The following ACIN1 variants were observed in gnomAD, a reference collection of about 807,000 sequenced individuals.
The protein encoded by ACIN1 is apoptotic chromatin condensation inducer 1, also known as apoptotic chromatin condensation inducer in the nucleus.
Under a neutral mutation model 146.6 loss-of-function variants are expected in ACIN1, and 16 were observed. That is an observed-to-expected ratio of 0.11 (90% CI 0.07 to 0.17). The LOEUF (loss-of-function observed/expected upper bound fraction) is 0.17, where lower values mean the gene tolerates loss of function less well. ACIN1 is among the 10% of genes least tolerant of loss of function. The pLI, the probability that ACIN1 is intolerant of heterozygous loss-of-function variation, is 1.00. For synonymous variants in ACIN1, 569 were observed against 582.7 expected (o/e 0.98, Z 0.34); for missense variants, 1,357 against 1,609.3 (o/e 0.84, Z 2.68).
Position 23,078,139 on chromosome 14 carries a change from T to C in ACIN1, c.2123+12A>G, listed in dbSNP as rs1465930651. On this transcript the variant is annotated intron_variant, in intron 8 of 18. Coordinates refer to ENST00000605057, the MANE Select transcript of ACIN1 (RefSeq NM_001386863.1). The stretch of plus-strand genomic sequence containing the variant: ...GTTCCCTGTTATACCCCGGTCGAGA[T>C]ATATCACTTACACAGTGTGATGAAT... 3.7e-6 allele frequency: 6 copies of C among 1,612,878 alleles called. No individual in the cohort carries two copies. The highest frequency in any genetic ancestry group is 2.7e-5 in the African/African-American group (2 of 74,916).
intron 8 of ACIN1, 24 bp from the exon 9 acceptor site, chr14:23,069,641 T>TGGGGGGGGTGGGGGG: frequency 3.2e-6 from 1 of 309,222 alleles, no homozygotes; most frequent in Non-Finnish European, 5.7e-6. Flanking sequence ...GGAGTGGTGG[T>TGGGGGGGGTGGGGGG]GGGGGGGCGG....
At chr14:23,082,787 T>C (rs1005358790) in intron 4 of ACIN1, among the ~76,000 whole-genome samples, 1 of 151,086 alleles carries the variant, frequency 6.6e-6, no homozygotes, top group East Asian at 1.9e-4. Context: ...TTGCCCAGGA[T>C]GGAGTGCAAT....
intron 8 of ACIN1, among the ~76,000 whole-genome samples, chr14:23,073,839 CTTTTTTT>C (rs530712203): frequency 1.5e-5 from 2 of 135,856 alleles, no homozygotes; most frequent in South Asian, 2.3e-4. Flanking sequence ...TTGAAAATTC[CTTTTTTT>C]TTTTTTTTTT....
rs761584009 is a variant in ACIN1, at chr14:23,063,422, AAT to A, written c.2737+12_2737+13del. The A allele has an allele frequency of 1.6e-5, 25 of 1,612,402 alleles. No individual in the cohort carries two copies. In the East Asian group the frequency reaches 3.8e-4, roughly 24 times the overall value. Reference sequence around the variant, plus strand: ...GGGAGCCGCATTACATTTCTCTCACAATATGTCACTCACCTTTCTTTACTTCA... The same window carrying A: ...GGGAGCCGCATTACATTTCTCTCACAATGTCACTCACCTTTCTTTACTTCA... On this transcript the variant is annotated intron_variant, in intron 13 of 18. Coordinates refer to ENST00000605057, the MANE Select transcript of ACIN1 (RefSeq NM_001386863.1).
chr14:23,083,547 A>G (rs544697079), intron 4 of ACIN1, among the ~76,000 whole-genome samples: 1 of 152,280 alleles, frequency 6.6e-6, no homozygotes, highest in Non-Finnish European at 1.5e-5. Context: ...CCTGGCTAAC[A>G]TGGTGAAACC....
At chr14:23,059,692 G>T (rs1254926647) in intron 18 of ACIN1, among the ~76,000 whole-genome samples, 2 of 145,440 alleles carry the variant, frequency 1.4e-5, no homozygotes, top group Non-Finnish European at 3.0e-5. Flanking sequence ...TCGCTCCGTC[G>T]CCCAGGCTGG....
At position 23,093,354 on chromosome 14, in the gene ACIN1, T is replaced by C. The variant is rs112797763; in HGVS notation, c.204+125A>G. The stretch of plus-strand genomic sequence containing the variant: ...ATTCAACTGTCCTGGTTTGAGAACA[T>C]TTCTGACTAAGAGAACTTAGGAAAA... On this transcript the variant is annotated intron_variant, in intron 2 of 18. Transcript: ENST00000605057. The C allele has an allele frequency of 1.4e-5, 14 of 981,910 alleles. No homozygotes were observed. In the African/African-American group the frequency reaches 2.0e-4, roughly 14 times the overall value. 60.8% of individuals were successfully genotyped at this position (981,910 alleles called of 1,614,324 possible).
chr14:23,059,175 A>T lies in ACIN1; in HGVS notation c.3825T>A (p.Pro1275=), dbSNP rs2047186458. 1 of 1,613,760 alleles carries T rather than the reference A, an allele frequency of 6.2e-7. No homozygotes were observed. ...AGCGGCGCCCACCCCGGTCCCGCACAGGTGTGCTCCGACTCCGGCTTCTGC... is the reference window on the plus strand; with the variant it reads ...AGCGGCGCCCACCCCGGTCCCGCACTGGTGTGCTCCGACTCCGGCTTCTGC... ...RHSRSRSRST[P]VRDRGGRR is the part of the protein sequence containing the mutation. The change falls in exon 19 of 19, where the codon CCT becomes CCA. Residue 1275 remains proline (P), a synonymous_variant. Coordinates refer to ENST00000605057, the MANE Select transcript of ACIN1 (RefSeq NM_001386863.1).
Position 23,068,123 on chromosome 14 carries a change from C to CT in ACIN1, c.2265+1352_2265+1353insA. On this transcript the variant is annotated intron_variant, in intron 9 of 18. Coordinates refer to ENST00000605057, the MANE Select transcript of ACIN1 (RefSeq NM_001386863.1). This position sits in a 1 kb window ranked among gnomAD's most constrained non-coding sequence, Gnocchi z 4.3. Reference sequence around the variant, plus strand: ...AGTGGTGACACATGGGCTGGGCTGTCATCAGCATTAAATCCCCAGGGGCTC... The same window carrying CT: ...AGTGGTGACACATGGGCTGGGCTGTCTATCAGCATTAAATCCCCAGGGGCTC... 1 of 985,950 alleles carries CT rather than the reference C, an allele frequency of 1.0e-6. No individual in the cohort carries two copies. Among genetic ancestry groups the CT allele is most frequent in the African/African-American group, 1.7e-5 (1 of 57,356 alleles). 61.1% of individuals were successfully genotyped at this position (985,950 alleles called of 1,614,324 possible). A position where few individuals can be genotyped will look rare whatever the true frequency, so the allele number is the denominator to read the frequency against.
At chr14:23,086,202 C>T (rs2048086874) in intron 4 of ACIN1, among the ~76,000 whole-genome samples, 1 of 152,210 alleles carries the variant, frequency 6.6e-6, no homozygotes, top group Non-Finnish European at 1.5e-5. Flanking sequence ...AGTTACCTAG[C>T]ATTTCTCTAG....
At position 23,061,371 on chromosome 14, in the gene ACIN1, A is replaced by G. The variant is rs149108570; in HGVS notation, c.3351T>C (p.Arg1117=). 3.7e-6 allele frequency: 6 copies of G among 1,613,944 alleles called. No homozygotes were observed. The African/African-American group carries it at 8.0e-5, about 22-fold the overall frequency. ...WDRDKVREGP[R]SRSRSRDRRR... is the part of the protein sequence containing the mutation. ...GGCGGTCACGGGACCTTGATCGGGA[A>G]CGGGGCCCTTCTCGAACTTTGTCCC... Residue 1117 remains arginine, a synonymous_variant, in exon 17 of 19, where the codon CGT becomes CGC. Transcript: ENST00000605057.
In ACIN1 at chr14:23,068,402, C is replaced by T; in HGVS notation, c.2265+1074G>A. On this transcript the variant is annotated intron_variant, in intron 9 of 18. Transcript: ENST00000605057. The surrounding 1 kb of genome is among the most constrained non-coding windows in gnomAD (Gnocchi z 4.3). ...GTAGGGAGATGATGCAAGTCCACCCCTTTCCAAATGTTTTTTGCTTGCTCA... is the reference window on the plus strand; with the variant it reads ...GTAGGGAGATGATGCAAGTCCACCCTTTTCCAAATGTTTTTTGCTTGCTCA... 5 of 985,928 alleles carry T rather than the reference C, an allele frequency of 5.1e-6. No individual in the cohort carries two copies. Among genetic ancestry groups the T allele is most frequent in the Non-Finnish European group, 6.0e-6 (5 of 829,974 alleles). 61.1% of individuals were successfully genotyped at this position (985,928 alleles called of 1,614,324 possible). A position where few individuals can be genotyped will look rare whatever the true frequency, so the allele number is the denominator to read the frequency against.
At chr14:23,066,087 C>A in intron 9 of ACIN1, 79 bp from the exon 10 acceptor site, 1 of 1,162,654 alleles carries the variant, frequency 8.6e-7, no homozygotes, top group Non-Finnish European at 1.3e-6. Flanking sequence ...TTAGATGGGG[C>A]AGTCTTAGCT....
rs2047949920 is a variant in ACIN1, at chr14:23,081,785, G to A, written c.488C>T (p.Pro163Leu). 1 of 1,612,888 alleles carries A rather than the reference G, an allele frequency of 6.2e-7. No homozygotes were observed. The highest frequency in any genetic ancestry group is 1.7e-5 in the Admixed American group (1 of 59,876). The change falls in exon 5 of 19, where the codon CCA (proline) becomes CTA (leucine). Residue 163 changes from proline (P) to leucine (L), a missense_variant. Transcript: ENST00000605057. ...AGATGATCGTCTTTCTCCTTTCCTTGGTTTCTCATCATCAGAGTCACCTTT... is the reference window on the plus strand; with the variant it reads ...AGATGATCGTCTTTCTCCTTTCCTTAGTTTCTCATCATCAGAGTCACCTTT... Reference protein sequence around the residue: ...EEKGDSDDEKPRKGERRSSRV... With the variant: ...EEKGDSDDEKLRKGERRSSRV...
Position 23,059,337 on chromosome 14 carries a change from T to TTTCTCTC in ACIN1, c.3656_3662dup (p.Arg1223GlufsTer28). 1 of 1,608,240 alleles carries TTTCTCTC rather than the reference T, an allele frequency of 6.2e-7. No individual in the cohort carries two copies. Among genetic ancestry groups the TTTCTCTC allele is most frequent in the Non-Finnish European group, 8.5e-7 (1 of 1,174,694 alleles). ...CCCTCTCCCGACTGTGCTCCCGACG[T>TTTCTCTC]TTCTCTCGCTCCAGCTGTCGGTTCC... On this transcript the variant is annotated frameshift_variant, in exon 19 of 19. Coordinates refer to ENST00000605057, the MANE Select transcript of ACIN1 (RefSeq NM_001386863.1). LOFTEE classifies it high-confidence loss of function.
chr14:23,078,067 G>T, intron 8 of ACIN1, 84 bp downstream of exon 8: 2 of 1,217,796 alleles, frequency 1.6e-6, no homozygotes, highest in Non-Finnish European at 2.4e-6. Flanking sequence ...AACTAGGACT[G>T]CTTAGTCAAA....
chr14:23,059,081 T>C lies in ACIN1; in HGVS notation c.*67A>G. 4.7e-6 allele frequency: 7 copies of C among 1,485,376 alleles called. No homozygotes were observed. The highest frequency in any genetic ancestry group is 6.5e-6 in the Non-Finnish European group (7 of 1,078,802). The allele number at this position is 1,485,376 out of a possible 1,614,324, so 92.0% of individuals were successfully genotyped here. ...GCTCCAGGGTGGTGGAGACTGTGCC[T>C]ATCCCTCTGTGGCCATAACCCCCTG... is the stretch of plus-strand genomic sequence containing the variant. On this transcript the variant is annotated 3_prime_UTR_variant, in exon 19 of 19. Coordinates refer to ENST00000605057, the MANE Select transcript of ACIN1 (RefSeq NM_001386863.1).
Position 23,058,867 on chromosome 14 carries a change from C to T in ACIN1, c.*281G>A. 2.0e-6 allele frequency: 1 copy of T among 488,606 alleles called. No homozygotes were observed. Among genetic ancestry groups the T allele is most frequent in the Non-Finnish European group, 3.7e-6 (1 of 272,640 alleles). 30.3% of individuals were successfully genotyped at this position (488,606 alleles called of 1,614,324 possible). On this transcript the variant is annotated 3_prime_UTR_variant, in exon 19 of 19. Transcript: ENST00000605057. ...AAAATCAGAGGACTGGGGCACCTGG[C>T]TGTTCCCCATCTCTGGCCAACCACC...
chr14:23,061,417 C>A lies in ACIN1; in HGVS notation c.3305G>T (p.Arg1102Leu), dbSNP rs754494408. The A allele has an allele frequency of 1.2e-6, 2 of 1,613,888 alleles. No individual in the cohort carries two copies. The highest frequency in any genetic ancestry group is 1.7e-6 in the Non-Finnish European group (2 of 1,179,962). Residue 1102 changes from arginine to leucine, a missense_variant, in exon 17 of 19, where the codon CGA becomes CTA. Transcript: ENST00000605057. Reference sequence around the variant, plus strand: ...GTCCCGATCCCATTCACGCTCTGATCGAGTCCGCTCCCGCCGCTCCATTTC... The same window carrying A: ...GTCCCGATCCCATTCACGCTCTGATAGAGTCCGCTCCCGCCGCTCCATTTC... ...EREMERRERT[R>L]SEREWDRDKV...
Sources: allele counts gnomAD v4.1 joint callset (sites outside exome capture counted in the v4.1 genomes callset), GRCh38; gene constraint gnomAD v4.1.1; non-coding constraint Gnocchi (gnomAD v3.1); transcripts MANE v1.5; gene names NCBI Gene and HGNC (gene_info 2026-07-23, HGNC 2026-07-21).